Variants in PPP1R3F observed in about 807,000 individuals in gnomAD.
PPP1R3F encodes the protein protein phosphatase 1, regulatory (inhibitor) subunit 3F.
In PPP1R3F, 29 loss-of-function variants were observed where a neutral mutation model predicts 24.2. The observed-to-expected ratio is 1.20, with a 90% CI of 0.89 to 1.63. PPP1R3F has a LOEUF of 1.63. PPP1R3F is among the 40% of genes most tolerant of loss of function. PPP1R3F has a pLI of 0.00. For missense variants in PPP1R3F, 823 were observed against 729.3 expected (o/e 1.13, Z -1.48); for synonymous variants, 363 against 340.1 (o/e 1.07, Z -0.74).
intron 1 of PPP1R3F, chrX:49,275,728 C>T (rs2066208370): frequency 8.9e-6 from 1 of 112,308 alleles, no homozygotes. Context: ...GCCACAGTGC[C>T]TGGCACTTAG....
At chrX:49,289,309 G>C (rs984869044), downstream of PPP1R3F, among the ~76,000 whole-genome samples, 5 of 111,672 alleles carry the variant, frequency 4.5e-5, no homozygotes, top group Non-Finnish European at 9.4e-5. Flanking sequence ...TATGTAGTAG[G>C]TTGCTATGAA....
chrX:49,281,827 C>CA (rs1334189648), intron 2 of PPP1R3F, among the ~76,000 whole-genome samples, 154 bp from the exon 3 acceptor site: 26 of 106,360 alleles, frequency 2.4e-4, no homozygotes, highest in South Asian at 4.1e-4. Flanking sequence ...GACCCTATCT[C>CA]AAAAAAAAAA....
At chrX:49,276,347 A>G (rs1334754038) in intron 1 of PPP1R3F, among the ~76,000 whole-genome samples, 8 of 112,515 alleles carry the variant, frequency 7.1e-5, no homozygotes, top group Non-Finnish European at 1.5e-4. Context: ...TGTAGGTATT[A>G]TTATCCCCTC....
intron 1 of PPP1R3F, among the ~76,000 whole-genome samples, chrX:49,272,599 TG>T (rs2066187247): frequency 3.5e-5 from 4 of 113,062 alleles, no homozygotes; most frequent in South Asian, 3.6e-4. Flanking sequence ...ATCAGCTGTG[TG>T]GCCTTGCCTC....
intron 2 of PPP1R3F, 89 bp downstream of exon 2, chrX:49,281,550 C>T: frequency 1.2e-6 from 1 of 816,731 alleles, no homozygotes; most frequent in Non-Finnish European, 1.8e-6. Context: ...ATGAAAAAGG[C>T]TGGGCTCAGT....
At chrX:49,276,780 C>A (rs1468938148) in intron 1 of PPP1R3F, among the ~76,000 whole-genome samples, 1 of 112,078 alleles carries the variant, frequency 8.9e-6, no homozygotes, top group Non-Finnish European at 1.9e-5. Context: ...GAGGCTGACA[C>A]ACTTGTTGGG....
At chrX:49,279,924 A>G (rs1019361939) in intron 1 of PPP1R3F, among the ~76,000 whole-genome samples, 1 of 112,298 alleles carries the variant, frequency 8.9e-6, no homozygotes, top group Non-Finnish European at 1.9e-5. Flanking sequence ...CCACTCAGGG[A>G]TCTGACTGGC....
At chrX:49,282,567 G>A (rs998700548) in intron 3 of PPP1R3F, among the ~76,000 whole-genome samples, 2 of 106,698 alleles carry the variant, frequency 1.9e-5, no homozygotes, top group Middle Eastern at 4.3e-3. Context: ...AGATCTGAGC[G>A]AAGATCTGAG....
chrX:49,271,824 C>T (rs781904958), intron 1 of PPP1R3F, among the ~76,000 whole-genome samples: 1 of 112,741 alleles, frequency 8.9e-6, no homozygotes, highest in East Asian at 2.8e-4. Flanking sequence ...AGTTTTTGTC[C>T]CTTGTTTTTT....
At chrX:49,281,616 G>C (rs1343563744) in intron 2 of PPP1R3F, among the ~76,000 whole-genome samples, 155 bp downstream of exon 2, 2 of 109,506 alleles carry the variant, frequency 1.8e-5, no homozygotes, top group Non-Finnish European at 3.8e-5. Flanking sequence ...GATTGCTTGA[G>C]GCCAGGAGTT....
rs2066283643 is a variant in PPP1R3F, at chrX:49,286,319, G to C, written c.1629G>C (p.Arg543=). Residue 543 remains arginine, a synonymous_variant, in exon 4 of 4, where the codon CGG becomes CGC. Transcript: ENST00000055335. ...DLILKWPGPE[R]ALNSALAEEI... The stretch of plus-strand genomic sequence containing the variant: ...TCTTGAAGTGGCCTGGCCCTGAGCG[G>C]GCCCTGAACAGCGCCCTGGCTGAGG... 8.3e-7 allele frequency: 1 copy of C among 1,208,594 alleles called. No individual in the cohort carries two copies. The highest frequency in any genetic ancestry group is 1.1e-6 in the Non-Finnish European group (1 of 894,050).
intron 1 of PPP1R3F, 91 bp from the exon 2 acceptor site, chrX:49,281,315 C>T: frequency 1.6e-6 from 1 of 624,068 alleles, no homozygotes. Flanking sequence ...TGAAGGTGGG[C>T]TAGCACAGAG....
intron 3 of PPP1R3F, among the ~76,000 whole-genome samples, chrX:49,294,272 T>G (rs1472107620): frequency 9.2e-6 from 1 of 109,096 alleles, no homozygotes; most frequent in African/African-American, 3.3e-5. Context: ...ACTACATTTT[T>G]TTTTTTTTGA....
chrX:49,299,599 G>C (rs949167398), intron 3 of PPP1R3F, among the ~76,000 whole-genome samples: 1 of 112,012 alleles, frequency 8.9e-6, no homozygotes, highest in African/African-American at 3.2e-5. Flanking sequence ...GTCTGCTGAA[G>C]CTGTGCCCAC....
downstream of PPP1R3F, among the ~76,000 whole-genome samples, chrX:49,289,448 G>A (rs918094044): frequency 9.0e-6 from 1 of 111,479 alleles, no homozygotes. Flanking sequence ...TGGTATATTC[G>A]CAGAATGGAA....
chrX:49,295,849 A>G (rs1294918715), intron 3 of PPP1R3F, among the ~76,000 whole-genome samples: 2 of 110,138 alleles, frequency 1.8e-5, no homozygotes, highest in African/African-American at 3.3e-5. Flanking sequence ...GACATATCCC[A>G]TATACCCCTC....
chrX:49,299,013 G>A (rs1415879446), intron 3 of PPP1R3F, among the ~76,000 whole-genome samples: 2 of 110,546 alleles, frequency 1.8e-5, no homozygotes, highest in African/African-American at 3.3e-5. Context: ...CTGACAGTTC[G>A]TCAAACTCAT....
At chrX:49,294,411 G>T (rs982889787) in intron 3 of PPP1R3F, among the ~76,000 whole-genome samples, 1 of 108,351 alleles carries the variant, frequency 9.2e-6, no homozygotes, top group African/African-American at 3.4e-5. Flanking sequence ...TTGTAGAGAT[G>T]GGGTTTCGCC....
At chrX:49,293,231 C>A (rs2066314003) in intron 3 of PPP1R3F, among the ~76,000 whole-genome samples, 1 of 112,437 alleles carries the variant, frequency 8.9e-6, no homozygotes, top group Admixed American at 9.4e-5. Flanking sequence ...GTCATCATCA[C>A]AACAGCCACC....
Sources: allele counts gnomAD v4.1 joint callset (sites outside exome capture counted in the v4.1 genomes callset), GRCh38; gene constraint gnomAD v4.1.1; transcripts MANE v1.5; gene names NCBI Gene and HGNC (gene_info 2026-07-23, HGNC 2026-07-21).